Variants in CERS3 observed in about 807,000 individuals in gnomAD.
CERS3 encodes LAG1 homolog, ceramide synthase 3.
A neutral mutation model predicts 50.3 loss-of-function variants in CERS3; 33 were observed. The observed-to-expected ratio is 0.66, with a 90% CI of 0.50 to 0.88. The LOEUF is 0.88. Ranked by LOEUF, CERS3 falls within the 40% of genes least tolerant of loss-of-function variation. The pLI is 0.00. For missense variants in CERS3, 470 were observed against 460.3 expected, an observed-to-expected ratio of 1.02 and a Z score of -0.19; for synonymous variants, 176 against 155.2, an observed-to-expected ratio of 1.13 and a Z score of -0.99.
chr15:100,519,920 G>A (rs1417473074), intron 2 of CERS3, among the ~76,000 whole-genome samples: 1 of 152,156 alleles, frequency 6.6e-6, no homozygotes. Flanking sequence ...CTTACATCTG[G>A]CTTTAATTTA....
At chr15:100,513,886 C>T (rs1382305754) in intron 2 of CERS3, among the ~76,000 whole-genome samples, 1 of 152,164 alleles carries the variant, frequency 6.6e-6, no homozygotes, top group East Asian at 1.9e-4. Context: ...CTGCTCACCC[C>T]TTCACCTCAA....
chr15:100,501,571 C>T (rs538261890), intron 3 of CERS3, 106 bp downstream of exon 3: 2 of 977,460 alleles, frequency 2.0e-6, no homozygotes, highest in Admixed American at 4.8e-5. Flanking sequence ...TAGTGGCAAC[C>T]TCTGAACAAC....
intron 10 of CERS3, among the ~76,000 whole-genome samples, chr15:100,457,912 AT>A (rs1304285007): frequency 2.3e-4 from 35 of 152,218 alleles, no homozygotes. Context: ...AATCAAAGAC[AT>A]TTTATGCTAT....
chr15:100,415,818 G>A (rs1474508818), intron 11 of CERS3, among the ~76,000 whole-genome samples: 1 of 151,926 alleles, frequency 6.6e-6, no homozygotes, highest in Non-Finnish European at 1.5e-5. Context: ...AGGGGAGGGA[G>A]CATTCGGACA....
At chr15:100,450,638 T>G (rs2034128505) in intron 11 of CERS3, among the ~76,000 whole-genome samples, 1 of 152,126 alleles carries the variant, frequency 6.6e-6, no homozygotes, top group Non-Finnish European at 1.5e-5. Context: ...AGAAACCTAT[T>G]TAACAAAATA....
At chr15:100,503,765 A>G (rs1391797572) in intron 2 of CERS3, 1 of 470,482 alleles carries the variant, frequency 2.1e-6, no homozygotes, top group South Asian at 1.5e-5. Flanking sequence ...GAGAAACTAG[A>G]GGACAATCAG....
At chr15:100,419,884 C>T (rs1429017272) in intron 11 of CERS3, among the ~76,000 whole-genome samples, 26 of 148,482 alleles carry the variant, frequency 1.8e-4, no homozygotes, top group African/African-American at 2.5e-4. Context: ...TTGAAACCAA[C>T]GAGAACAAAG....
At position 100,476,135 on chromosome 15, in the gene CERS3, C is replaced by T. The variant is rs1275054952; in HGVS notation, c.560G>A (p.Ser187Asn). The stretch of plus-strand genomic sequence containing the variant: ...TCTAAATAACAGAGACCAATAAAAA[C>T]TCATTTCTAAAATGTAGTACCAGTA... Reference protein sequence around the residue: ...SQYWYYILEMSFYWSLLFRLG... With the variant: ...SQYWYYILEMNFYWSLLFRLG... The change falls in exon 8 of 12, where the codon AGT (serine) becomes AAT (asparagine). Residue 187 changes from serine to asparagine, a missense_variant. Physicochemically the swap from Ser to Asn is conservative, Grantham distance 46. Coordinates refer to ENST00000679737, the MANE Select transcript of CERS3 (RefSeq NM_001378789.1). 1 of 1,584,158 alleles carries T rather than the reference C, an allele frequency of 6.3e-7. No individual in the cohort carries two copies. The highest frequency in any genetic ancestry group is 1.2e-5 in the South Asian group (1 of 85,774).
At chr15:100,535,648 G>T (rs1196559541) in intron 1 of CERS3, among the ~76,000 whole-genome samples, 7 of 151,722 alleles carry the variant, frequency 4.6e-5, no homozygotes, top group Non-Finnish European at 7.4e-5. Context: ...TATGTGCACG[G>T]GAAGTGGGGA....
chr15:100,419,547 C>T (rs377723404), intron 11 of CERS3, among the ~76,000 whole-genome samples: 1 of 137,508 alleles, frequency 7.3e-6, no homozygotes, highest in Non-Finnish European at 1.6e-5. Context: ...AACAAGGATA[C>T]CCAGGAATTG....
intron 10 of CERS3, among the ~76,000 whole-genome samples, chr15:100,466,812 C>CTCCCTCT (rs2034745362): frequency 2.5e-4 from 4 of 16,250 alleles, no homozygotes; most frequent in Admixed American, 6.9e-4. Flanking sequence ...TCCCTCCCTC[C>CTCCCTCT]CTCCCTCTCT....
chr15:100,516,769 T>G (rs1251578488), intron 2 of CERS3, among the ~76,000 whole-genome samples: 2 of 152,160 alleles, frequency 1.3e-5, no homozygotes, highest in Non-Finnish European at 2.9e-5. Flanking sequence ...GGGTACCAAC[T>G]GTGCTAAGTA....
chr15:100,513,242 C>T (rs1239171030), intron 2 of CERS3, among the ~76,000 whole-genome samples: 1 of 152,144 alleles, frequency 6.6e-6, no homozygotes, highest in Non-Finnish European at 1.5e-5. Flanking sequence ...CTTAGAAATG[C>T]TCCAGGCGGC....
intron 5 of CERS3, among the ~76,000 whole-genome samples, chr15:100,481,921 C>T (rs1267949773): frequency 3.9e-5 from 6 of 152,202 alleles, no homozygotes; most frequent in Admixed American, 6.5e-5. Context: ...CTCTCACAAG[C>T]GAGGTCATGT....
intron 10 of CERS3, among the ~76,000 whole-genome samples, chr15:100,467,817 ATATGTG>A (rs2034811283): frequency 2.5e-5 from 2 of 81,132 alleles, no homozygotes; most frequent in East Asian, 3.2e-4. Context: ...ACGTCTATAT[ATATGTG>A]TATATATATA....
At chr15:100,486,976 G>A (rs2035503924) in intron 4 of CERS3, among the ~76,000 whole-genome samples, 1 of 152,054 alleles carries the variant, frequency 6.6e-6, no homozygotes, top group Non-Finnish European at 1.5e-5. Context: ...ATGAGTCGAA[G>A]CTTTTTTTTT....
Position 100,491,527 on chromosome 15 carries a change from G to A in CERS3, c.174-596C>T, listed in dbSNP as rs369088648. Among the ~76,000 whole-genome samples the A allele has an allele frequency of 1.1e-4, 16 of 152,182 alleles. No individual in the cohort carries two copies. The South Asian group carries it at 2.7e-3, about 26-fold the overall frequency. On this transcript the variant is annotated intron_variant, in intron 3 of 11. Transcript: ENST00000679737. ...GCCAACACATGGTACTGTCAGCCTT[G>A]GCAATTCTACTGGGTGTGTAGTGGT...
intron 2 of CERS3, among the ~76,000 whole-genome samples, chr15:100,509,961 G>A (rs2036291919): frequency 6.6e-6 from 1 of 151,276 alleles, no homozygotes; most frequent in Admixed American, 6.6e-5. Flanking sequence ...TAAAGGGTCG[G>A]GTAAACATGT....
chr15:100,449,061 G>T (rs1028838441), intron 11 of CERS3, among the ~76,000 whole-genome samples: 1 of 152,188 alleles, frequency 6.6e-6, no homozygotes, highest in African/African-American at 2.4e-5. Flanking sequence ...GTGCACCACA[G>T]CAGGGCCTGA....
Sources: allele counts gnomAD v4.1 joint callset (sites outside exome capture counted in the v4.1 genomes callset), GRCh38; gene constraint gnomAD v4.1.1; transcripts MANE v1.5; gene names NCBI Gene and HGNC (gene_info 2026-07-23, HGNC 2026-07-21).